RPS6KC1: variants seen among roughly 807,000 people sequenced by gnomAD.
RPS6KC1 encodes the protein ribosomal protein S6 kinase C1, also known as inactive ribosomal protein S6 kinase delta-1.
RPS6KC1 carries 54 observed loss-of-function variants against 103.8 expected under a neutral mutation model. The ratio of observed to expected loss-of-function variants is 0.52; its 90% confidence interval spans 0.42 to 0.65. The LOEUF (loss-of-function observed/expected upper bound fraction) is 0.65, where lower values mean the gene tolerates loss of function less well. Ranked by LOEUF, RPS6KC1 falls within the 30% of genes least tolerant of loss-of-function variation. The probability of loss-of-function intolerance (pLI) is 0.00; values close to 1 mark genes in which losing one functional copy is unlikely to be tolerated. For missense variants in RPS6KC1, 1,151 were observed against 1,253.8 expected (o/e 0.92, Z 1.24); for synonymous variants, 439 against 438.7 (o/e 1.00, Z -0.01).
the RPS6KC1 span, among the ~76,000 whole-genome samples, chr1:213,662,040 A>C: frequency 6.6e-6 from 1 of 152,184 alleles, no homozygotes; most frequent in Non-Finnish European, 1.5e-5. Flanking sequence ...CAAATCTCTT[A>C]CTGGTATAAA....
chr1:213,298,237 C>T, the RPS6KC1 span, among the ~76,000 whole-genome samples: 21 of 152,270 alleles, frequency 1.4e-4, no homozygotes, highest in African/African-American at 2.4e-4. Flanking sequence ...TACATTTTTG[C>T]GTGTATCTTT....
At chr1:213,779,548 TG>T in the RPS6KC1 span, among the ~76,000 whole-genome samples, 1 of 152,252 alleles carries the variant, frequency 6.6e-6, no homozygotes, top group East Asian at 1.9e-4. Context: ...GTGTCTTTGT[TG>T]TCTGTCGTGG....
chr1:213,621,408 G>A, the RPS6KC1 span, among the ~76,000 whole-genome samples: 2,140 of 129,134 alleles, frequency 0.017, 22 homozygotes, highest in Non-Finnish European at 0.022. Flanking sequence ...GGGAAAGCAG[G>A]AGTTTGTGGG....
the RPS6KC1 span, among the ~76,000 whole-genome samples, chr1:213,679,891 A>T: frequency 2.6e-5 from 4 of 152,226 alleles, no homozygotes; most frequent in Non-Finnish European, 5.9e-5. Context: ...TAGAGTGCTT[A>T]GTTGTAGATA....
chr1:213,549,286 C>T, the RPS6KC1 span, among the ~76,000 whole-genome samples: 30 of 152,196 alleles, frequency 2.0e-4, no homozygotes, highest in African/African-American at 4.3e-4. Flanking sequence ...GGAAGGCCCT[C>T]GGTGGAGAGA....
chr1:213,634,203 T>C, the RPS6KC1 span, among the ~76,000 whole-genome samples: 1 of 152,176 alleles, frequency 6.6e-6, no homozygotes, highest in Non-Finnish European at 1.5e-5. Context: ...ATCCAGGACT[T>C]GAACTCAGCT....
At chr1:213,703,131 G>T in the RPS6KC1 span, among the ~76,000 whole-genome samples, 4 of 152,026 alleles carry the variant, frequency 2.6e-5, no homozygotes, top group Non-Finnish European at 5.9e-5. Context: ...TTACTGTGAG[G>T]CTGGCAAATG....
chr1:213,322,648 T>TAGAGTCTTCAGAA, the RPS6KC1 span, among the ~76,000 whole-genome samples: 1 of 152,354 alleles, frequency 6.6e-6, no homozygotes, highest in South Asian at 2.1e-4. Flanking sequence ...CTGAAGGCTC[T>TAGAGTCTTCAGAA]AGAGGAGAGT....
the RPS6KC1 span, among the ~76,000 whole-genome samples, chr1:213,838,691 C>G: frequency 6.6e-6 from 1 of 152,202 alleles, no homozygotes; most frequent in Non-Finnish European, 1.5e-5. Context: ...AGTTCTACAG[C>G]CTCCAAATTC....
chr1:213,528,036 G>C, the RPS6KC1 span, among the ~76,000 whole-genome samples: 1 of 152,200 alleles, frequency 6.6e-6, no homozygotes, highest in Non-Finnish European at 1.5e-5. Context: ...AGGAAGAAGA[G>C]GGTAGGTCTT....
chr1:213,655,167 C>T, the RPS6KC1 span, among the ~76,000 whole-genome samples: 2,084 of 151,964 alleles, frequency 0.014, 60 homozygotes, highest in African/African-American at 0.046. Flanking sequence ...CTCAGCCTCT[C>T]GAGTAGCTGG....
intron 3 of RPS6KC1, among the ~76,000 whole-genome samples, chr1:213,100,527 C>A (rs1160337968): frequency 6.6e-6 from 1 of 152,090 alleles, no homozygotes; most frequent in African/African-American, 2.4e-5. Context: ...AATGAACTTA[C>A]CACCCAAATA....
chr1:213,650,688 T>A, the RPS6KC1 span, among the ~76,000 whole-genome samples: 1 of 152,158 alleles, frequency 6.6e-6, no homozygotes, highest in African/African-American at 2.4e-5. Flanking sequence ...CTCCCTTGCC[T>A]CCTGAGCCCA....
chr1:213,381,746 G>A, the RPS6KC1 span, among the ~76,000 whole-genome samples: 1 of 151,994 alleles, frequency 6.6e-6, no homozygotes. Context: ...GCACTGCCTC[G>A]CTGCTGCTGG....
the RPS6KC1 span, among the ~76,000 whole-genome samples, chr1:213,705,706 G>A: frequency 6.6e-6 from 1 of 152,242 alleles, no homozygotes; most frequent in Non-Finnish European, 1.5e-5. Context: ...GGGATGTGCT[G>A]AAGCCAGCAA....
At chr1:213,523,177 G>A in the RPS6KC1 span, among the ~76,000 whole-genome samples, 1 of 152,216 alleles carries the variant, frequency 6.6e-6, no homozygotes, top group Non-Finnish European at 1.5e-5. Context: ...GGAGAGAGAT[G>A]GGGGAGCAGC....
intron 12 of RPS6KC1, among the ~76,000 whole-genome samples, chr1:213,256,113 AT>A (rs1334667731): frequency 1.3e-5 from 2 of 152,238 alleles, no homozygotes; most frequent in Non-Finnish European, 2.9e-5. Context: ...TAAAGATGAC[AT>A]TCAGCCTAGC....
the RPS6KC1 span, among the ~76,000 whole-genome samples, chr1:213,401,221 G>A: frequency 2.8e-3 from 424 of 152,190 alleles, 5 homozygotes; most frequent in African/African-American, 9.4e-3. Context: ...TGCTGGGTAC[G>A]TTGACATGGA....
the RPS6KC1 span, chr1:213,818,441 G>A: frequency 1.3e-5 from 2 of 152,226 alleles, no homozygotes; most frequent in Admixed American, 6.5e-5. Flanking sequence ...AGTGTTAGCG[G>A]TCTGGATAAA....
Sources: allele counts gnomAD v4.1 joint callset (sites outside exome capture counted in the v4.1 genomes callset), GRCh38; gene constraint gnomAD v4.1.1; transcripts MANE v1.5; gene names NCBI Gene and HGNC (gene_info 2026-07-23, HGNC 2026-07-21).